The following RIOK2 variants were observed in gnomAD, a reference collection of about 807,000 sequenced individuals.
RIOK2 encodes serine/threonine-protein kinase RIO2.
In RIOK2, 46 loss-of-function variants were observed where a neutral mutation model predicts 62.4. That is an observed-to-expected ratio of 0.74 (90% CI 0.58 to 0.94). The LOEUF (loss-of-function observed/expected upper bound fraction) is 0.94, where lower values mean the gene tolerates loss of function less well. RIOK2 is among the 40% of genes least tolerant of loss of function. RIOK2 has a pLI of 0.00. For missense variants in RIOK2, 574 were observed against 658.0 expected, an observed-to-expected ratio of 0.87 and a Z score of 1.40; for synonymous variants, 197 against 216.0, an observed-to-expected ratio of 0.91 and a Z score of 0.77.
chr5:97,167,949 G>A lies in RIOK2; in HGVS notation c.915C>T (p.Tyr305=). 6.2e-7 allele frequency: 1 copy of A among 1,605,318 alleles called. No homozygotes were observed. Residue 305 remains tyrosine (Y), a synonymous_variant, in exon 8 of 10, where the codon TAC becomes TAT. Coordinates refer to ENST00000283109, the MANE Select transcript of RIOK2 (RefSeq NM_018343.3). ...TLDVEVSASG[Y]TKEMQADDEL... ...CATCATCTGCCTGCATTTCCTTTGT[G>A]TAGCCACTGGCAGAAACCTCCACAT...
chr5:97,178,791 C>T (rs1476829776), intron 2 of RIOK2: 4 of 471,590 alleles, frequency 8.5e-6, no homozygotes, highest in East Asian at 4.2e-5. Context: ...TGCTCTTCTG[C>T]AGTACTCTAC....
At chr5:97,165,530 TATA>T (rs1748821373) in intron 8 of RIOK2, among the ~76,000 whole-genome samples, 1 of 152,216 alleles carries the variant, frequency 6.6e-6, no homozygotes, top group Non-Finnish European at 1.5e-5. Flanking sequence ...AAACAGAAGA[TATA>T]ATGGAAACAG....
At chr5:97,166,124 C>T in intron 8 of RIOK2, 1 of 271,636 alleles carries the variant, frequency 3.7e-6, no homozygotes, top group Non-Finnish European at 7.3e-6. Context: ...TGGAACTGTA[C>T]CATGGGCTCT....
At position 97,168,011 on chromosome 5, in the gene RIOK2, A is replaced by G. The variant is rs747073875; in HGVS notation, c.873-20T>C. On this transcript the variant is annotated intron_variant, in intron 7 of 9. Coordinates refer to ENST00000283109, the MANE Select transcript of RIOK2 (RefSeq NM_018343.3). The stretch of plus-strand genomic sequence containing the variant: ...TCTCTCCTAGAAAAAAAAGGCGTCA[A>G]GCATAGAAAGAGAGAAAAAATGTTT... 6 of 1,551,830 alleles carry G rather than the reference A, an allele frequency of 3.9e-6. No individual in the cohort carries two copies. In the South Asian group the frequency reaches 4.8e-5, roughly 12 times the overall value.
intron 1 of RIOK2, among the ~76,000 whole-genome samples, chr5:97,181,249 C>T (rs1400061605): frequency 4.0e-5 from 4 of 101,026 alleles, no homozygotes; most frequent in Non-Finnish European, 5.6e-5. Context: ...TCCAGCCTGG[C>T]AACAGAATAA....
chr5:97,172,378 G>A (rs1749034132), intron 5 of RIOK2, among the ~76,000 whole-genome samples: 1 of 152,114 alleles, frequency 6.6e-6, no homozygotes, highest in African/African-American at 2.4e-5. Context: ...CTACTCAGGG[G>A]AAAAACCTTG....
At position 97,177,373 on chromosome 5, in the gene RIOK2, T is replaced by C. The variant is rs1029361784; in HGVS notation, c.323-82A>G. On this transcript the variant is annotated intron_variant, in intron 3 of 9. Coordinates refer to ENST00000283109, the MANE Select transcript of RIOK2 (RefSeq NM_018343.3). ...ACAATTCTAACTTTCTCTAATTTTA[T>C]TTGTATCAAAAATGTCATTTTTCCT... 6 of 1,277,156 alleles carry C rather than the reference T, an allele frequency of 4.7e-6. No homozygotes were observed. The East Asian group carries it at 9.5e-5, about 20-fold the overall frequency. The allele number at this position is 1,277,156 out of a possible 1,614,324, so 79.1% of individuals were successfully genotyped here. A position where few individuals can be genotyped will look rare whatever the true frequency, so the allele number is the denominator to read the frequency against.
intron 1 of RIOK2, 139 bp downstream of exon 1, chr5:97,182,987 T>C (rs1354522567): frequency 3.3e-6 from 3 of 904,022 alleles, no homozygotes; most frequent in Non-Finnish European, 5.6e-6. Flanking sequence ...ACTTTCTGAA[T>C]GCTCTCTTCT....
chr5:97,165,421 T>C (rs1205899345), intron 8 of RIOK2, among the ~76,000 whole-genome samples: 1 of 152,160 alleles, frequency 6.6e-6, no homozygotes, highest in Non-Finnish European at 1.5e-5. Flanking sequence ...CTCCCCACAA[T>C]TCATCTTCCC....
At chr5:97,173,491 A>G (rs1749073828) in intron 4 of RIOK2, among the ~76,000 whole-genome samples, 1 of 152,218 alleles carries the variant, frequency 6.6e-6, no homozygotes, top group South Asian at 2.1e-4. Context: ...TCCACAAAAA[A>G]TGAACATTTA....
Position 97,179,981 on chromosome 5 carries a change from TATATATATAAAATATATATA to T in RIOK2, c.67-808_67-789del, listed in dbSNP as rs1749300010. 4.9e-5 allele frequency among the ~76,000 whole-genome samples: 3 copies of T among 61,598 alleles called. 1 individual carries two copies. Among genetic ancestry groups the T allele is most frequent in the Non-Finnish European group, 8.8e-5 (3 of 34,066 alleles). 40.4% of individuals were successfully genotyped at this position (61,598 alleles called of 152,430 possible). On this transcript the variant is annotated intron_variant, in intron 1 of 9. Transcript: ENST00000283109. Reference sequence around the variant, plus strand: ...AAGTATTTTATATATATATATAATATATATATATAAAATATATATATATTATATATATATAATATATATAT... The same window carrying T: ...AAGTATTTTATATATATATATAATATTATTATATATATATAATATATATAT...
At chr5:97,170,470 TTACTGAGTTA>T (rs1748970675) in intron 6 of RIOK2, among the ~76,000 whole-genome samples, 1 of 152,200 alleles carries the variant, frequency 6.6e-6, no homozygotes, top group Non-Finnish European at 1.5e-5. Flanking sequence ...ATCATCGAGA[TTACTGAGTTA>T]TACTTGGTGA....
intron 1 of RIOK2, among the ~76,000 whole-genome samples, chr5:97,180,054 A>T (rs1749333623): frequency 2.7e-5 from 1 of 36,948 alleles, no homozygotes; most frequent in Non-Finnish European, 5.1e-5. Flanking sequence ...TATATTTTTA[A>T]ATTTATTCCT....
chr5:97,170,209 C>G (rs755933698), intron 6 of RIOK2, among the ~76,000 whole-genome samples: 4 of 151,944 alleles, frequency 2.6e-5, no homozygotes, highest in Non-Finnish European at 5.9e-5. Flanking sequence ...AAAAAAAAAT[C>G]CTTAGTTACA....
At chr5:97,171,977 T>C (rs1426990488) in intron 5 of RIOK2, among the ~76,000 whole-genome samples, 1 of 152,180 alleles carries the variant, frequency 6.6e-6, no homozygotes. Context: ...GGTCTGTCAG[T>C]TGACCTCTTT....
At chr5:97,163,985 T>A (rs919390548) in intron 9 of RIOK2, among the ~76,000 whole-genome samples, 1 of 152,050 alleles carries the variant, frequency 6.6e-6, no homozygotes, top group African/African-American at 2.4e-5. Context: ...TGCAACCTCC[T>A]GGGCTTGAGT....
At chr5:97,182,778 C>CGGG (rs70981870) in intron 1 of RIOK2, 71 of 113,848 alleles carry the variant, frequency 6.2e-4, no homozygotes, top group Middle Eastern at 3.7e-3. Context: ...TATCAAATCT[C>CGGG]GGGGGGGGGG....
At chr5:97,178,087 T>C (rs1288720299) in intron 2 of RIOK2, among the ~76,000 whole-genome samples, 1 of 152,250 alleles carries the variant, frequency 6.6e-6, no homozygotes, top group Non-Finnish European at 1.5e-5. Context: ...AAAGGAGGAA[T>C]TTAAGTTCAA....
intron 7 of RIOK2, 94 bp downstream of exon 7, chr5:97,168,666 T>G: frequency 2.6e-6 from 2 of 780,100 alleles, no homozygotes; most frequent in Non-Finnish European, 4.0e-6. Context: ...TGTCAAAATT[T>G]GGAAAGTTTT....
Sources: gnomAD v4.1 joint callset for allele counts (sites outside exome capture counted in the v4.1 genomes callset) on GRCh38, gnomAD v4.1.1 for gene constraint, MANE v1.5 for transcripts, NCBI Gene and HGNC (gene_info 2026-07-23, HGNC 2026-07-21) for gene names.